Variants in FAT1 observed in about 807,000 individuals in gnomAD.
The protein encoded by FAT1 is FAT atypical cadherin 1.
Under a neutral mutation model 329.8 loss-of-function variants are expected in FAT1, and 171 were observed. The observed-to-expected ratio is 0.52, with a 90% CI of 0.46 to 0.59. The LOEUF (loss-of-function observed/expected upper bound fraction) is 0.59, where lower values mean the gene tolerates loss of function less well. Ranked by LOEUF, FAT1 falls within the 20% of genes least tolerant of loss-of-function variation. The pLI is 0.00. For synonymous variants in FAT1, 2,233 were observed against 2,228.6 expected (o/e 1.00, Z -0.06); for missense variants, 5,672 against 5,774.4 (o/e 0.98, Z 0.57).
chr4:186,605,469 G>T (rs1739076175), intron 17 of FAT1, among the ~76,000 whole-genome samples: 1 of 127,520 alleles, frequency 7.8e-6, no homozygotes. Flanking sequence ...GAGTGGGGAG[G>T]AGGAAGAGGA....
intron 1 of FAT1, among the ~76,000 whole-genome samples, chr4:186,721,474 A>G (rs1300789709): frequency 6.6e-6 from 1 of 152,242 alleles, no homozygotes; most frequent in African/African-American, 2.4e-5. Flanking sequence ...ACTTCTACAT[A>G]ATTTGGTCAA....
intron 4 of FAT1, among the ~76,000 whole-genome samples, chr4:186,639,071 A>T (rs1050303991): frequency 6.6e-6 from 1 of 152,212 alleles, no homozygotes; most frequent in African/African-American, 2.4e-5. Flanking sequence ...CCAGGTGACC[A>T]ATACATGATA....
intron 26 of FAT1, among the ~76,000 whole-genome samples, chr4:186,594,875 G>A (rs1413380715): frequency 6.6e-6 from 1 of 151,300 alleles, no homozygotes; most frequent in Non-Finnish European, 1.5e-5. Context: ...TATTTGAAAT[G>A]TATAACATAT....
rs1184542630 is a variant in FAT1 at position 186,598,027 on chromosome 4, C to T, written c.12202G>A (p.Val4068Ile). Residue 4068 changes from valine (V) to isoleucine (I), a missense_variant, in exon 23 of 27, where the codon GTT becomes ATT. By Grantham distance (29) the Val-to-Ile change is conservative. Transcript: ENST00000441802. ...CAAACAAAGCCTCCGTTGTCGACAA[C>T]ACACGTGCCCCCATAGAGGCATGGC... ...SKPCLYGGTC[V>I]VDNGGFVCQC... 6.2e-7 allele frequency: 1 copy of T among 1,613,894 alleles called. No homozygotes were observed. Among genetic ancestry groups the T allele is most frequent in the Non-Finnish European group, 8.5e-7 (1 of 1,179,876 alleles).
At position 186,588,737 on chromosome 4, in the gene FAT1, G is replaced by C. The variant is rs2126349079; in HGVS notation, c.13622C>G (p.Ala4541Gly). The C allele has an allele frequency of 6.2e-7, 1 of 1,614,010 alleles. No homozygotes were observed. The highest frequency in any genetic ancestry group is 8.5e-7 in the Non-Finnish European group (1 of 1,179,890). Residue 4541 changes from alanine (A) to glycine (G), a missense_variant, in exon 27 of 27, where the codon GCC (alanine) becomes GGC (glycine). By Grantham distance (60) the Ala-to-Gly change is moderately conservative. Transcript: ENST00000441802. ...AVESMPMSVY[A>G]STASCSDVSA... ...CACGTCAGAGCAGGAGGCGGTGGAGGCGTACACAGACATGGGCATGCTCTC... is the reference window on the plus strand; with the variant it reads ...CACGTCAGAGCAGGAGGCGGTGGAGCCGTACACAGACATGGGCATGCTCTC...
rs115026431 is a variant in FAT1 at position 186,599,773 on chromosome 4, C to T, written c.12103+125G>A. The T allele has an allele frequency of 2.4e-3, 1,803 of 750,724 alleles. 28 individuals are homozygous for T. The African/African-American group carries it at 0.028, about 12-fold the overall frequency. 46.5% of individuals were successfully genotyped at this position (750,724 alleles called of 1,614,324 possible). The stretch of plus-strand genomic sequence containing the variant: ...TGAGGGATGCTGCTCGCTTCCAACA[C>T]TGACTGCAGTGTCTGACAAAATTAT... On this transcript the variant is annotated intron_variant, in intron 22 of 26. Coordinates refer to ENST00000441802, the MANE Select transcript of FAT1 (RefSeq NM_005245.4).
intron 1 of FAT1, among the ~76,000 whole-genome samples, chr4:186,712,797 G>T (rs1033405033): frequency 9.7e-6 from 1 of 102,600 alleles, no homozygotes; most frequent in African/African-American, 4.7e-5. Context: ...TCATCACCCA[G>T]CTGTGATGAC....
At chr4:186,633,304 G>C (rs1037233776) in intron 7 of FAT1, among the ~76,000 whole-genome samples, 8 of 152,114 alleles carry the variant, frequency 5.3e-5, no homozygotes, top group Non-Finnish European at 1.0e-4. Context: ...AAAAAAAAGT[G>C]ATTTAGAAGA....
At chr4:186,661,967 G>A (rs1429959393) in intron 3 of FAT1, among the ~76,000 whole-genome samples, 1 of 152,054 alleles carries the variant, frequency 6.6e-6, no homozygotes, top group African/African-American at 2.4e-5. Context: ...TGAATGAGAG[G>A]ACTCCCAAGG....
chr4:186,679,321 G>C (rs1373882773), intron 2 of FAT1, among the ~76,000 whole-genome samples: 5 of 151,530 alleles, frequency 3.3e-5, no homozygotes, highest in African/African-American at 1.2e-4. Context: ...GGAGGCTGAG[G>C]CAGGAGAATG....
At position 186,709,364 on chromosome 4, in the gene FAT1, C is replaced by CT; in HGVS notation, c.463dup (p.Ser155LysfsTer6). The CT allele has an allele frequency of 6.2e-7, 1 of 1,613,962 alleles. No individual in the cohort carries two copies. Among genetic ancestry groups the CT allele is most frequent in the Non-Finnish European group, 8.5e-7 (1 of 1,179,882 alleles). ...AGCTGTGTTTTCAGGTAAAGAAACG[C>CT]TGTATGAGGTGGGTGAGAATAACGG... is the stretch of plus-strand genomic sequence containing the variant. On this transcript the variant is annotated frameshift_variant, in exon 2 of 27. Coordinates refer to ENST00000441802, the MANE Select transcript of FAT1 (RefSeq NM_005245.4). LOFTEE classifies it high-confidence loss of function.
chr4:186,596,445 C>T lies in FAT1; in HGVS notation c.13000+95G>A. 1 of 1,363,274 alleles carries T rather than the reference C, an allele frequency of 7.3e-7. No homozygotes were observed. The highest frequency in any genetic ancestry group is 1.4e-5 in the South Asian group (1 of 70,574). The allele number at this position is 1,363,274 out of a possible 1,614,324, so 84.4% of individuals were successfully genotyped here. ...GATTTCAGTCTGAGCATACTTGTCT[C>T]TAATGAAGAGTACACACATTTTGAC... On this transcript the variant is annotated intron_variant, in intron 25 of 26. Transcript: ENST00000441802. The surrounding 1 kb of genome is among the most constrained non-coding windows in gnomAD (Gnocchi z 4.7).
At chr4:186,669,792 C>T (rs10025804) in intron 2 of FAT1, among the ~76,000 whole-genome samples, 49,960 of 152,040 alleles carry the variant, frequency 0.33, 8,987 homozygotes, top group East Asian at 0.74. Flanking sequence ...ACTTACTTAA[C>T]TAAACGGATA....
chr4:186,688,991 G>A (rs1743622902), intron 2 of FAT1, among the ~76,000 whole-genome samples: 1 of 152,046 alleles, frequency 6.6e-6, no homozygotes, highest in African/African-American at 2.4e-5. Flanking sequence ...AGAATAAACA[G>A]GCCATTGAAA....
At position 186,619,632 on chromosome 4, in the gene FAT1, G is replaced by A. The variant is rs2126507553; in HGVS notation, c.6954C>T (p.Ile2318=). Reference sequence around the variant, plus strand: ...TGTGATTCCCAAACATCTGGTATGAGATTCCTCTATTTGGTTCTGAATCAG... The same window carrying A: ...TGTGATTCCCAAACATCTGGTATGAAATTCCTCTATTTGGTTCTGAATCAG... The part of the protein sequence containing the change: ...TDSDSEPNRG[I]SYQMFGNHSK... Residue 2318 remains isoleucine, a synonymous_variant, in exon 10 of 27, where the codon ATC becomes ATT. Coordinates refer to ENST00000441802, the MANE Select transcript of FAT1 (RefSeq NM_005245.4). 1 of 1,613,980 alleles carries A rather than the reference G, an allele frequency of 6.2e-7. No individual in the cohort carries two copies. The highest frequency in any genetic ancestry group is 8.5e-7 in the Non-Finnish European group (1 of 1,179,902).
At chr4:186,725,292 C>T (rs1443742967), upstream of FAT1, among the ~76,000 whole-genome samples, 2 of 152,024 alleles carry the variant, frequency 1.3e-5, no homozygotes, top group Non-Finnish European at 2.9e-5. This position sits in a 1 kb window ranked among gnomAD's most constrained non-coding sequence, Gnocchi z 5.4. Context: ...CCAAACACAC[C>T]GGAACTCCAG....
At position 186,707,255 on chromosome 4, in the gene FAT1, G is replaced by C. The variant is rs542371369; in HGVS notation, c.2573C>G (p.Thr858Arg). ...GTCTGTGTCTGTAACAATTGAGTAC[G>C]TCACGTGTCCGTTGGGCCCCAGGTC... ...DKDLGPNGHV[T>R]YSIVTDTDTF... The change falls in exon 2 of 27, where the codon ACG (threonine) becomes AGG (arginine). Residue 858 changes from threonine to arginine, a missense_variant. Around this residue, in one of 2 missense-constraint regions of FAT1, gnomAD observed 3,966 missense variants for 3,915.2 expected, o/e 1.01. Coordinates refer to ENST00000441802, the MANE Select transcript of FAT1 (RefSeq NM_005245.4). The C allele has an allele frequency of 1.2e-6, 2 of 1,613,954 alleles. No homozygotes were observed. The highest frequency in any genetic ancestry group is 2.2e-5 in the South Asian group (2 of 91,080).
chr4:186,684,289 A>G (rs1441457532), intron 2 of FAT1, among the ~76,000 whole-genome samples: 1 of 152,208 alleles, frequency 6.6e-6, no homozygotes, highest in Non-Finnish European at 1.5e-5. Flanking sequence ...CTCTCCAATT[A>G]TAACTATATC....
intron 3 of FAT1, among the ~76,000 whole-genome samples, chr4:186,640,319 A>G (rs976762856): frequency 6.6e-6 from 1 of 152,224 alleles, no homozygotes. Flanking sequence ...AAATAGTAAG[A>G]AAGTGGAAAA....
Sources: gnomAD v4.1 joint callset for allele counts (sites outside exome capture counted in the v4.1 genomes callset) on GRCh38, gnomAD v4.1.1 for gene constraint, gnomAD v4.1.1 regional missense constraint, Gnocchi (gnomAD v3.1) non-coding constraint, MANE v1.5 for transcripts, NCBI Gene and HGNC (gene_info 2026-07-23, HGNC 2026-07-21) for gene names.